Variants in GRAMD4 observed in about 807,000 individuals in gnomAD.
GRAMD4 encodes the protein GRAM domain containing 4, also known as GRAM domain-containing protein 4.
A neutral mutation model predicts 83.9 loss-of-function variants in GRAMD4; 25 were observed. That is an observed-to-expected ratio of 0.30 (90% confidence interval 0.22 to 0.42). The LOEUF is 0.42. GRAMD4 is among the 10% of genes least tolerant of loss of function. The pLI, the probability that GRAMD4 is intolerant of heterozygous loss-of-function variation, is 1.00. For missense variants in GRAMD4, 593 were observed against 788.7 expected, an observed-to-expected ratio of 0.75 and a Z score of 2.97; for synonymous variants, 336 against 320.9, an observed-to-expected ratio of 1.05 and a Z score of -0.50.
chr22:46,669,576 TC>T (rs1468213936), intron 13 of GRAMD4, among the ~76,000 whole-genome samples: 1 of 150,802 alleles, frequency 6.6e-6, no homozygotes, highest in African/African-American at 2.4e-5. Context: ...TCTCTCTCTC[TC>T]TCTTTTTTTT....
chr22:46,582,932 T>G (rs1350944102), intron 1 of GRAMD4, among the ~76,000 whole-genome samples: 1 of 152,186 alleles, frequency 6.6e-6, no homozygotes, highest in East Asian at 1.9e-4. Flanking sequence ...TTCTCTCTCT[T>G]TTGTCTTTTG....
chr22:46,614,125 G>A (rs2081445246), intron 1 of GRAMD4, among the ~76,000 whole-genome samples: 1 of 152,224 alleles, frequency 6.6e-6, no homozygotes, highest in Non-Finnish European at 1.5e-5. Context: ...TGAAAGCAAA[G>A]GCATTGAATA....
At chr22:46,626,679 CCT>C in intron 1 of GRAMD4, 70 bp from the exon 2 acceptor site, 1 of 942,594 alleles carries the variant, frequency 1.1e-6, no homozygotes, top group Non-Finnish European at 1.6e-6. Context: ...CCGGCTGTGC[CCT>C]GTGTGTGGGA....
At chr22:46,585,276 C>T (rs952058196) in intron 1 of GRAMD4, among the ~76,000 whole-genome samples, 3 of 151,700 alleles carry the variant, frequency 2.0e-5, no homozygotes, top group African/African-American at 7.3e-5. Context: ...TTGCAACCTC[C>T]ACCTCCCAGG....
chr22:46,601,803 C>CT (rs1043517143), intron 1 of GRAMD4, among the ~76,000 whole-genome samples: 16 of 151,426 alleles, frequency 1.1e-4, no homozygotes, highest in African/African-American at 3.4e-4. Context: ...CTCTAAAAAA[C>CT]TTTTTTTTTA....
At chr22:46,674,314 A>C (rs1018508587) in intron 15 of GRAMD4, among the ~76,000 whole-genome samples, 6 of 151,702 alleles carry the variant, frequency 4.0e-5, no homozygotes, top group African/African-American at 1.5e-4. Context: ...TCCTCTGCTG[A>C]GCCCTGGCCC....
At chr22:46,580,982 A>AAG (rs1253551811) in intron 1 of GRAMD4, among the ~76,000 whole-genome samples, 1 of 146,122 alleles carries the variant, frequency 6.8e-6, no homozygotes, top group Admixed American at 6.9e-5. Context: ...AAAAAAAAAA[A>AAG]AAGAAAGAAA....
chr22:46,681,539 G>A (rs2146529095), downstream of GRAMD4, among the ~76,000 whole-genome samples: 1 of 152,312 alleles, frequency 6.6e-6, no homozygotes, highest in South Asian at 2.1e-4. Context: ...ACAAGGAAAG[G>A]TCACAAACCT....
intron 1 of GRAMD4, among the ~76,000 whole-genome samples, chr22:46,595,552 G>A (rs762932650): frequency 4.7e-4 from 72 of 152,338 alleles, no homozygotes; most frequent in Middle Eastern, 6.8e-3. Context: ...AGAAAAACAG[G>A]CGCCCCTCAA....
At chr22:46,648,614 T>C (rs943312050) in intron 3 of GRAMD4, among the ~76,000 whole-genome samples, 1 of 151,896 alleles carries the variant, frequency 6.6e-6, no homozygotes, top group Admixed American at 6.6e-5. Flanking sequence ...GATGGATGGA[T>C]GATTGGATAG....
intron 7 of GRAMD4, 60 bp downstream of exon 7, chr22:46,663,923 G>T (rs1476528923): frequency 6.3e-7 from 1 of 1,593,494 alleles, no homozygotes; most frequent in Admixed American, 1.7e-5. Flanking sequence ...GGCCCATGGC[G>T]GTGGGGACTC....
At chr22:46,663,690 G>A (rs1250810583) in intron 6 of GRAMD4, 148 bp from the exon 7 acceptor site, 14 of 757,876 alleles carry the variant, frequency 1.8e-5, no homozygotes, top group African/African-American at 8.6e-5. Context: ...CTGAGCCGCC[G>A]TGCATGGCCA....
chr22:46,666,820 G>T lies in GRAMD4; in HGVS notation c.810-5G>T, dbSNP rs771675602. 1.2e-6 allele frequency: 2 copies of T among 1,610,564 alleles called. No homozygotes were observed. Among genetic ancestry groups the T allele is most frequent in the East Asian group, 2.2e-5 (1 of 44,566 alleles). ...CTAAAGGTGTGTGTGTTTTCTGTTC[G>T]CCAGGGGGTGGCGGATACAGTGGAG... On this transcript the variant is annotated splice_region_variant and splice_polypyrimidine_tract_variant and intron_variant, in intron 9 of 18. Coordinates refer to ENST00000406902, the MANE Select transcript of GRAMD4 (RefSeq NM_015124.5).
intron 15 of GRAMD4, 90 bp from the exon 16 acceptor site, chr22:46,674,567 A>G: frequency 2.2e-6 from 2 of 918,120 alleles, no homozygotes; most frequent in South Asian, 1.3e-5. Flanking sequence ...GGATGTCAGG[A>G]TCTGAGAGTC....
intron 1 of GRAMD4, among the ~76,000 whole-genome samples, chr22:46,588,253 G>A (rs1241649936): frequency 2.0e-5 from 3 of 151,904 alleles, no homozygotes; most frequent in South Asian, 2.1e-4. Context: ...ACTGCCCAGC[G>A]TCCCCCACAA....
At chr22:46,599,230 T>G (rs899367659) in intron 1 of GRAMD4, among the ~76,000 whole-genome samples, 1 of 152,110 alleles carries the variant, frequency 6.6e-6, no homozygotes, top group Non-Finnish European at 1.5e-5. Flanking sequence ...TGTGTGAGAG[T>G]GCTTGCGTTG....
chr22:46,680,869 C>G, downstream of GRAMD4, among the ~76,000 whole-genome samples: 1 of 112,256 alleles, frequency 8.9e-6, no homozygotes, highest in Non-Finnish European at 1.8e-5. Context: ...CACCCACCCA[C>G]CCACCTATCC....
chr22:46,661,812 G>A (rs1405239274), intron 5 of GRAMD4, among the ~76,000 whole-genome samples: 1 of 152,226 alleles, frequency 6.6e-6, no homozygotes, highest in Non-Finnish European at 1.5e-5. Context: ...GTGCCTCCCC[G>A]AAGGGGACCA....
intron 1 of GRAMD4, among the ~76,000 whole-genome samples, chr22:46,623,558 GCTGA>G (rs1240140410): frequency 6.6e-6 from 1 of 151,316 alleles, no homozygotes; most frequent in Non-Finnish European, 1.5e-5. Context: ...ACCTTGCCTG[GCTGA>G]CTTTTTTGTA....
Sources: allele counts gnomAD v4.1 joint callset (sites outside exome capture counted in the v4.1 genomes callset), GRCh38; gene constraint gnomAD v4.1.1; transcripts MANE v1.5; gene names NCBI Gene and HGNC (gene_info 2026-07-23, HGNC 2026-07-21).